Variants in FSTL5 observed in about 807,000 individuals in gnomAD.
The protein encoded by FSTL5 is follistatin like 5, also known as follistatin-related protein 5.
FSTL5 carries 62 observed loss-of-function variants against 89.1 expected under a neutral mutation model. The ratio of observed to expected loss-of-function variants is 0.70; its 90% CI spans 0.57 to 0.86. The LOEUF is 0.86. FSTL5 is among the 40% of genes least tolerant of loss of function. The pLI, the probability that FSTL5 is intolerant of heterozygous loss-of-function variation, is 0.00. For missense variants in FSTL5, 1,057 were observed against 1,001.6 expected, an observed-to-expected ratio of 1.06 and a Z score of -0.75; for synonymous variants, 383 against 346.2, an observed-to-expected ratio of 1.11 and a Z score of -1.18.
Position 162,093,242 on chromosome 4 carries a change from TG to T in FSTL5, c.126+18028del, listed in dbSNP as rs1730619459. Reference sequence around the variant, plus strand: ...CTGAAATACAGCAGTGCTCATTTTTTGTGTGTTTTGCTTTCTTTATTTCTTA... The same window carrying T: ...CTGAAATACAGCAGTGCTCATTTTTTTGTGTTTTGCTTTCTTTATTTCTTA... On this transcript the variant is annotated intron_variant, in intron 2 of 15. Transcript: ENST00000306100. Among the ~76,000 whole-genome samples the T allele has an allele frequency of 7.2e-5, 11 of 152,290 alleles. No individual in the cohort carries two copies. In the South Asian group the frequency reaches 2.1e-3, roughly 29 times the overall value.
At chr4:162,092,496 CT>C (rs1170015604) in intron 2 of FSTL5, among the ~76,000 whole-genome samples, 1 of 152,128 alleles carries the variant, frequency 6.6e-6, no homozygotes, top group African/African-American at 2.4e-5. Flanking sequence ...GATCATTTTG[CT>C]GCTAGAAATT....
chr4:161,492,222 T>G (rs1729903815), intron 12 of FSTL5, among the ~76,000 whole-genome samples: 1 of 152,174 alleles, frequency 6.6e-6, no homozygotes, highest in African/African-American at 2.4e-5. Flanking sequence ...TGTTATGTTA[T>G]AATTTTCTCT....
At chr4:162,124,920 G>C (rs958937228) in intron 1 of FSTL5, among the ~76,000 whole-genome samples, 5 of 152,118 alleles carry the variant, frequency 3.3e-5, no homozygotes, top group Non-Finnish European at 7.4e-5. Context: ...AGCCAGGATG[G>C]TCACAATCTC....
chr4:161,822,248 G>C (rs1468559993), intron 4 of FSTL5, among the ~76,000 whole-genome samples: 1 of 152,192 alleles, frequency 6.6e-6, no homozygotes, highest in Admixed American at 6.5e-5. Context: ...AGAAACCTCT[G>C]TGGATGGTGG....
chr4:161,452,495 A>T (rs1733200905), intron 15 of FSTL5, among the ~76,000 whole-genome samples: 1 of 151,946 alleles, frequency 6.6e-6, no homozygotes, highest in Admixed American at 6.6e-5. Context: ...AAAGAAATAT[A>T]CTATATGAAA....
chr4:162,004,386 T>C (rs888623101), intron 3 of FSTL5, among the ~76,000 whole-genome samples: 4 of 152,210 alleles, frequency 2.6e-5, no homozygotes, highest in Admixed American at 6.5e-5. Context: ...TTTACTATTA[T>C]AGCTGCTGCC....
intron 3 of FSTL5, among the ~76,000 whole-genome samples, chr4:161,992,910 ATATATATATATATATGTGTG>A (rs1736168472): frequency 1.4e-4 from 1 of 7,396 alleles, no homozygotes; most frequent in African/African-American, 2.0e-4. Context: ...GTGTGTATAT[ATATATATATATATATGTGTG>A]TATATATATA....
At chr4:162,079,041 C>T (rs539008883) in intron 2 of FSTL5, among the ~76,000 whole-genome samples, 53 of 151,798 alleles carry the variant, frequency 3.5e-4, no homozygotes, top group African/African-American at 1.3e-3. Flanking sequence ...GGACGTTTTA[C>T]GATCCAGATG....
At chr4:161,507,325 T>C (rs1429527565) in intron 11 of FSTL5, among the ~76,000 whole-genome samples, 1 of 151,836 alleles carries the variant, frequency 6.6e-6, no homozygotes, top group East Asian at 1.9e-4. Flanking sequence ...TAATTATACG[T>C]ATCATAAATA....
At chr4:161,419,408 G>T (rs1029389201) in intron 15 of FSTL5, among the ~76,000 whole-genome samples, 3 of 151,942 alleles carry the variant, frequency 2.0e-5, no homozygotes, top group African/African-American at 7.3e-5. Flanking sequence ...GGGATAAGCA[G>T]GCAAAGCACC....
intron 8 of FSTL5, among the ~76,000 whole-genome samples, chr4:161,568,893 C>T (rs1732907937): frequency 6.6e-6 from 1 of 152,090 alleles, no homozygotes; most frequent in East Asian, 1.9e-4. Flanking sequence ...AACTGACTAA[C>T]AAAATTACAT....
chr4:161,546,835 T>C (rs1251081970), intron 8 of FSTL5, among the ~76,000 whole-genome samples: 4 of 152,002 alleles, frequency 2.6e-5, no homozygotes, highest in Admixed American at 6.6e-5. Context: ...ATCTCTTTAG[T>C]AGTGTTAAAA....
intron 7 of FSTL5, among the ~76,000 whole-genome samples, chr4:161,632,440 A>G (rs1271953503): frequency 6.6e-6 from 1 of 152,200 alleles, no homozygotes; most frequent in African/African-American, 2.4e-5. Flanking sequence ...ACATGGGGGC[A>G]ATAATACATT....
At chr4:161,759,018 A>C (rs1740682077) in intron 6 of FSTL5, among the ~76,000 whole-genome samples, 1 of 152,174 alleles carries the variant, frequency 6.6e-6, no homozygotes, top group South Asian at 2.1e-4. Flanking sequence ...AATACACTCA[A>C]ACTACATCTG....
chr4:161,402,873 G>C (rs1731229700), intron 15 of FSTL5, among the ~76,000 whole-genome samples: 1 of 150,888 alleles, frequency 6.6e-6, no homozygotes. Context: ...CCAGGCTGGA[G>C]TGCAGTGGCA....
At chr4:161,956,977 G>A (rs554873977) in intron 3 of FSTL5, among the ~76,000 whole-genome samples, 2 of 151,960 alleles carry the variant, frequency 1.3e-5, no homozygotes, top group Admixed American at 1.3e-4. Flanking sequence ...AAATAGTTCA[G>A]CTACATTAGC....
At chr4:162,136,382 C>T (rs966468592) in intron 1 of FSTL5, among the ~76,000 whole-genome samples, 8 of 151,980 alleles carry the variant, frequency 5.3e-5, no homozygotes, top group Admixed American at 2.6e-4. Flanking sequence ...ATGATAAATA[C>T]TTTGGAGGTA....
At chr4:161,557,243 A>G (rs933824328) in intron 8 of FSTL5, among the ~76,000 whole-genome samples, 1 of 151,534 alleles carries the variant, frequency 6.6e-6, no homozygotes, top group African/African-American at 2.4e-5. Flanking sequence ...AATCATAATA[A>G]GCCTAAAACT....
intron 8 of FSTL5, among the ~76,000 whole-genome samples, chr4:161,580,961 G>C (rs1449795989): frequency 2.0e-5 from 3 of 152,104 alleles, no homozygotes; most frequent in Non-Finnish European, 4.4e-5. Flanking sequence ...CATGAATACT[G>C]TCTGCTGTGG....
Sources: gnomAD v4.1 joint callset for allele counts (sites outside exome capture counted in the v4.1 genomes callset) on GRCh38, gnomAD v4.1.1 for gene constraint, MANE v1.5 for transcripts, NCBI Gene and HGNC (gene_info 2026-07-23, HGNC 2026-07-21) for gene names.